GLRB: variants seen among roughly 807,000 people sequenced by gnomAD.
GLRB encodes glycine receptor beta, also known as glycine receptor subunit beta.
Under a neutral mutation model 54.2 loss-of-function variants are expected in GLRB, and 33 were observed. That is an observed-to-expected ratio of 0.61 (90% CI 0.46 to 0.81). The LOEUF (loss-of-function observed/expected upper bound fraction) is 0.81. Among genes scored for constraint, GLRB ranks in the 40% least tolerant of loss-of-function variants. The pLI, the probability that GLRB is intolerant of heterozygous loss-of-function variation, is 0.00. For synonymous variants in GLRB, 209 were observed against 208.2 expected, an observed-to-expected ratio of 1.00 and a Z score of -0.03; for missense variants, 572 against 584.6, an observed-to-expected ratio of 0.98 and a Z score of 0.22.
chr4:157,093,679 C>T (rs866496364), intron 2 of GLRB, among the ~76,000 whole-genome samples: 5 of 146,576 alleles, frequency 3.4e-5, no homozygotes, highest in Non-Finnish European at 7.4e-5. Context: ...CGCTTGAACC[C>T]GGGAGGCGGA....
chr4:157,153,705 C>T (rs1238080113), intron 9 of GLRB, among the ~76,000 whole-genome samples: 1 of 152,132 alleles, frequency 6.6e-6, no homozygotes, highest in East Asian at 1.9e-4. Context: ...GTTAGCTGTC[C>T]ATTTACCCCA....
chr4:157,103,948 T>C (rs1735131249), intron 2 of GLRB, among the ~76,000 whole-genome samples: 1 of 152,046 alleles, frequency 6.6e-6, no homozygotes, highest in Admixed American at 6.6e-5. Context: ...TTTGTGTGTG[T>C]GTGTGTGTGT....
intron 4 of GLRB, 34 bp from the exon 5 acceptor site, chr4:157,136,435 C>A: frequency 8.6e-7 from 1 of 1,158,286 alleles, no homozygotes; most frequent in Non-Finnish European, 1.3e-6. Flanking sequence ...TAGCAATAAA[C>A]ATACACATGT....
chr4:157,161,083 G>A (rs1296363477), intron 9 of GLRB, among the ~76,000 whole-genome samples: 1 of 152,144 alleles, frequency 6.6e-6, no homozygotes, highest in Non-Finnish European at 1.5e-5. Flanking sequence ...TTACCATTAT[G>A]TAATGGCCTT....
chr4:157,100,872 T>C (rs1734994636), intron 2 of GLRB, among the ~76,000 whole-genome samples: 1 of 152,168 alleles, frequency 6.6e-6, no homozygotes, highest in African/African-American at 2.4e-5. Context: ...AAATTTTTGG[T>C]GCCCACCCTG....
chr4:157,136,763 A>C (rs757599591), intron 5 of GLRB, 41 bp from the exon 6 acceptor site: 1 of 1,497,164 alleles, frequency 6.7e-7, no homozygotes, highest in East Asian at 2.3e-5. Context: ...GATGACAGAG[A>C]AGTATATTAA....
At chr4:157,125,762 G>T (rs78692842) in intron 4 of GLRB, among the ~76,000 whole-genome samples, 1 of 151,716 alleles carries the variant, frequency 6.6e-6, no homozygotes, top group Non-Finnish European at 1.5e-5. Context: ...TGTGAACCCC[G>T]TCTGTACTAA....
At chr4:157,081,196 A>C (rs1436826586) in intron 2 of GLRB, among the ~76,000 whole-genome samples, 1 of 152,216 alleles carries the variant, frequency 6.6e-6, no homozygotes, top group Non-Finnish European at 1.5e-5. Flanking sequence ...ATTTTAGGTA[A>C]GTCCTTGGAC....
At chr4:157,117,806 A>T (rs569801275) in intron 2 of GLRB, among the ~76,000 whole-genome samples, 1 of 151,820 alleles carries the variant, frequency 6.6e-6, no homozygotes, top group African/African-American at 2.4e-5. Flanking sequence ...GATATATAGA[A>T]GCCATGAATC....
chr4:157,107,558 C>G (rs1011896982), intron 2 of GLRB, among the ~76,000 whole-genome samples: 1 of 152,028 alleles, frequency 6.6e-6, no homozygotes, highest in African/African-American at 2.4e-5. Flanking sequence ...TAATCCTAAG[C>G]AAGGCCCTAA....
intron 2 of GLRB, 94 bp downstream of exon 2, chr4:157,078,240 C>G: frequency 1.9e-6 from 3 of 1,574,792 alleles, no homozygotes; most frequent in South Asian, 1.1e-5. Flanking sequence ...ATCAACAAAA[C>G]TTTTCATATC....
intron 2 of GLRB, among the ~76,000 whole-genome samples, chr4:157,095,017 T>C (rs1209642883): frequency 2.0e-5 from 3 of 152,190 alleles, no homozygotes; most frequent in African/African-American, 7.2e-5. Flanking sequence ...TAAAATAATA[T>C]TCAGCACCAC....
chr4:157,134,712 A>G (rs550534017), intron 4 of GLRB, among the ~76,000 whole-genome samples: 7 of 152,266 alleles, frequency 4.6e-5, no homozygotes, highest in African/African-American at 1.4e-4. Context: ...CAATATCTCA[A>G]CTGTTATTTT....
intron 8 of GLRB, among the ~76,000 whole-genome samples, chr4:157,145,972 C>T (rs923259741): frequency 8.6e-5 from 13 of 150,498 alleles, no homozygotes; most frequent in Admixed American, 1.3e-4. Flanking sequence ...AAGATAACAG[C>T]GATGAGGGGT....
chr4:157,110,271 A>AATAT (rs755698178), intron 2 of GLRB, among the ~76,000 whole-genome samples: 1 of 151,792 alleles, frequency 6.6e-6, no homozygotes, highest in African/African-American at 2.4e-5. Context: ...ATGAAGATCA[A>AATAT]ATATATATAT....
In GLRB at chr4:157,100,015, G is replaced by A. The variant is rs77781031; in HGVS notation, c.123-20541G>A. On this transcript the variant is annotated intron_variant, in intron 2 of 9. Coordinates refer to ENST00000264428, the MANE Select transcript of GLRB (RefSeq NM_000824.5). ...TTGATTTTCTTATTAACATGTAGGC[G>A]TTCTTTATATATTCTAGAACAAATC... Among the ~76,000 whole-genome samples, 1,188 of 152,174 alleles carry A rather than the reference G, an allele frequency of 7.8e-3. 22 individuals carry two copies. The East Asian group carries it at 0.1, about 13-fold the overall frequency.
intron 2 of GLRB, 106 bp from the exon 3 acceptor site, chr4:157,120,450 G>C (rs1167818814): frequency 1.9e-6 from 1 of 526,318 alleles, no homozygotes; most frequent in Non-Finnish European, 3.6e-6. Flanking sequence ...CCATACTATA[G>C]TTGTGGATTT....
At chr4:157,123,624 A>C (rs2126537388) in intron 4 of GLRB, among the ~76,000 whole-genome samples, 1 of 151,940 alleles carries the variant, frequency 6.6e-6, no homozygotes, top group South Asian at 2.1e-4. Context: ...TTCTGAAATA[A>C]AATATAAACT....
At chr4:157,142,038 A>G (rs1355985384) in intron 7 of GLRB, among the ~76,000 whole-genome samples, 1 of 152,122 alleles carries the variant, frequency 6.6e-6, no homozygotes, top group East Asian at 1.9e-4. Context: ...CAGAAAACTA[A>G]TTTGACTTAG....
Sources: allele counts gnomAD v4.1 joint callset (sites outside exome capture counted in the v4.1 genomes callset), GRCh38; gene constraint gnomAD v4.1.1; transcripts MANE v1.5; gene names NCBI Gene and HGNC (gene_info 2026-07-23, HGNC 2026-07-21).